Variants in GRIA4 observed in about 807,000 individuals in gnomAD.
The protein encoded by GRIA4 is glutamate ionotropic receptor AMPA type subunit 4.
Under a neutral mutation model 104.0 loss-of-function variants are expected in GRIA4, and 34 were observed. That is an observed-to-expected ratio of 0.33 (90% confidence interval 0.25 to 0.44). The LOEUF (loss-of-function observed/expected upper bound fraction) is 0.44, where lower values mean the gene tolerates loss of function less well. Ranked by LOEUF, GRIA4 falls within the 20% of genes least tolerant of loss-of-function variation. The pLI, the probability that GRIA4 is intolerant of heterozygous loss-of-function variation, is 1.00. For synonymous variants in GRIA4, 386 were observed against 381.9 expected (o/e 1.01, Z -0.13); for missense variants, 750 against 1,096.5 (o/e 0.68, Z 4.46).
intron 3 of GRIA4, among the ~76,000 whole-genome samples, chr11:105,709,990 G>A (rs1365319871): frequency 6.6e-6 from 1 of 152,080 alleles, no homozygotes; most frequent in African/African-American, 2.4e-5. Context: ...AGGAGACAAA[G>A]TTTTAGGGAT....
At position 105,980,485 on chromosome 11, in the gene GRIA4, C is replaced by T. The variant is rs755219566; in HGVS notation, c.*746C>T. On this transcript the variant is annotated 3_prime_UTR_variant, in exon 17 of 17. Transcript: ENST00000282499. ...TTGGTCATCTTCTTGTTTGCTGTAACCTTCACTATGTCACATGAGTCGATT... is the reference window on the plus strand; with the variant it reads ...TTGGTCATCTTCTTGTTTGCTGTAATCTTCACTATGTCACATGAGTCGATT... 3 of 152,522 alleles carry T rather than the reference C, an allele frequency of 2.0e-5. No individual in the cohort carries two copies. The highest frequency in any genetic ancestry group is 6.5e-5 in the Admixed American group (1 of 15,268). 9.4% of individuals were successfully genotyped at this position (152,522 alleles called of 1,614,324 possible).
At chr11:105,678,641 T>A (rs1473550865) in intron 3 of GRIA4, among the ~76,000 whole-genome samples, 6 of 152,102 alleles carry the variant, frequency 3.9e-5, no homozygotes, top group African/African-American at 9.6e-5. Context: ...AAATTTTAGT[T>A]TTCAAAATTA....
chr11:105,878,170 C>G (rs543713008), intron 5 of GRIA4, among the ~76,000 whole-genome samples: 3 of 152,288 alleles, frequency 2.0e-5, no homozygotes, highest in South Asian at 4.1e-4. Context: ...CAGTCAGGAC[C>G]CTTTTCTGCA....
intron 3 of GRIA4, among the ~76,000 whole-genome samples, chr11:105,670,560 C>T (rs1952326890): frequency 6.6e-6 from 1 of 152,104 alleles, no homozygotes; most frequent in Non-Finnish European, 1.5e-5. Context: ...ATGCAACAAA[C>T]ATAATTTTGG....
At chr11:105,668,450 A>T (rs1282319247) in intron 3 of GRIA4, among the ~76,000 whole-genome samples, 2 of 151,124 alleles carry the variant, frequency 1.3e-5, no homozygotes, top group African/African-American at 4.8e-5. Context: ...ATAATACTAC[A>T]ATAAACATGG....
intron 3 of GRIA4, among the ~76,000 whole-genome samples, chr11:105,728,766 G>A (rs1448513799): frequency 2.0e-5 from 3 of 152,102 alleles, no homozygotes; most frequent in Non-Finnish European, 4.4e-5. Flanking sequence ...GATAAATAAC[G>A]AAATTAAGGC....
intron 14 of GRIA4, among the ~76,000 whole-genome samples, chr11:105,935,169 G>A (rs1375499608): frequency 6.6e-6 from 1 of 152,154 alleles, no homozygotes; most frequent in Non-Finnish European, 1.5e-5. Context: ...GGAAAAGGTT[G>A]TGTTAAACCA....
intron 3 of GRIA4, among the ~76,000 whole-genome samples, chr11:105,696,731 G>A (rs948492422): frequency 6.6e-6 from 1 of 151,668 alleles, no homozygotes; most frequent in African/African-American, 2.4e-5. Flanking sequence ...TCAAAGAGAT[G>A]TAAGAATAGA....
At chr11:105,786,390 C>G (rs1198348621) in intron 4 of GRIA4, among the ~76,000 whole-genome samples, 3 of 152,118 alleles carry the variant, frequency 2.0e-5, no homozygotes, top group Non-Finnish European at 4.4e-5. Flanking sequence ...GTTTACATCT[C>G]AGTGTACTAT....
chr11:105,925,496 T>A (rs1947680852), intron 12 of GRIA4, among the ~76,000 whole-genome samples: 1 of 152,162 alleles, frequency 6.6e-6, no homozygotes, highest in South Asian at 2.1e-4. Flanking sequence ...AAGTATTTAC[T>A]TTAATTGTTG....
At chr11:105,642,979 C>T (rs945571285) in intron 3 of GRIA4, among the ~76,000 whole-genome samples, 4 of 152,102 alleles carry the variant, frequency 2.6e-5, no homozygotes, top group African/African-American at 9.7e-5. Flanking sequence ...GCAAACACAA[C>T]CTTCTTCACA....
At chr11:105,947,240 C>T (rs1948338366) in intron 14 of GRIA4, among the ~76,000 whole-genome samples, 1 of 152,134 alleles carries the variant, frequency 6.6e-6, no homozygotes. Context: ...CTAATTTTGA[C>T]TTTCTCTCTC....
At chr11:105,724,079 A>G (rs1049932889) in intron 3 of GRIA4, among the ~76,000 whole-genome samples, 5 of 152,094 alleles carry the variant, frequency 3.3e-5, no homozygotes, top group African/African-American at 9.7e-5. Flanking sequence ...GTAAATTCAT[A>G]TGACGTCTAT....
intron 3 of GRIA4, among the ~76,000 whole-genome samples, chr11:105,679,500 A>G (rs900732713): frequency 3.3e-5 from 5 of 152,256 alleles, no homozygotes; most frequent in Admixed American, 3.3e-4. Context: ...CTAACATAAT[A>G]CAATTATTCT....
intron 4 of GRIA4, among the ~76,000 whole-genome samples, chr11:105,781,777 A>G (rs1941739946): frequency 6.6e-6 from 1 of 152,180 alleles, no homozygotes; most frequent in Admixed American, 6.6e-5. Flanking sequence ...TGAACGCAAG[A>G]GGAAATTATA....
chr11:105,896,957 T>C (rs1009433504), intron 6 of GRIA4, among the ~76,000 whole-genome samples: 5 of 152,174 alleles, frequency 3.3e-5, no homozygotes, highest in African/African-American at 1.2e-4. Context: ...ATAATGTTGG[T>C]AATTTGATAG....
chr11:105,658,656 T>C (rs768991451), intron 3 of GRIA4, among the ~76,000 whole-genome samples: 1 of 151,754 alleles, frequency 6.6e-6, no homozygotes, highest in Non-Finnish European at 1.5e-5. Flanking sequence ...AGAAATTATT[T>C]TGGGAGTGAT....
chr11:105,664,083 A>G (rs1333761004), intron 3 of GRIA4, among the ~76,000 whole-genome samples: 2 of 147,668 alleles, frequency 1.4e-5, no homozygotes, highest in Non-Finnish European at 3.0e-5. Flanking sequence ...TGCTCAACAA[A>G]TAATATGTTG....
intron 4 of GRIA4, among the ~76,000 whole-genome samples, chr11:105,787,342 C>A (rs1942014025): frequency 6.6e-6 from 1 of 151,996 alleles, no homozygotes; most frequent in South Asian, 2.1e-4. Context: ...CTGTGTTAGA[C>A]CCTCTGAAGC....
Sources: gnomAD v4.1 joint callset for allele counts (sites outside exome capture counted in the v4.1 genomes callset) on GRCh38, gnomAD v4.1.1 for gene constraint, MANE v1.5 for transcripts, NCBI Gene and HGNC (gene_info 2026-07-23, HGNC 2026-07-21) for gene names.